Variants in BABAM2 observed in about 807,000 individuals in gnomAD.
The protein encoded by BABAM2 is BRISC and BRCA1-A complex member 2.
BABAM2 carries 31 observed loss-of-function variants against 54.7 expected under a neutral mutation model. That is an observed-to-expected ratio of 0.57 (90% CI 0.43 to 0.77). The LOEUF (loss-of-function observed/expected upper bound fraction) is 0.77. BABAM2 is among the 30% of genes least tolerant of loss of function. The pLI, the probability that BABAM2 is intolerant of heterozygous loss-of-function variation, is 0.00. For missense variants in BABAM2, 364 were observed against 455.8 expected, an observed-to-expected ratio of 0.80 and a Z score of 1.83; for synonymous variants, 167 against 162.9, an observed-to-expected ratio of 1.03 and a Z score of -0.19.
At chr2:28,279,631 G>A (rs1233321810) in intron 10 of BABAM2, among the ~76,000 whole-genome samples, 1 of 150,776 alleles carries the variant, frequency 6.6e-6, no homozygotes, top group Admixed American at 6.6e-5. Flanking sequence ...CTTACCATAA[G>A]GGTTAGTGCA....
chr2:28,042,154 G>A (rs1381723779), intron 5 of BABAM2, among the ~76,000 whole-genome samples: 1 of 152,142 alleles, frequency 6.6e-6, no homozygotes, highest in East Asian at 1.9e-4. Context: ...TGAAAGAATG[G>A]AATTGCCATT....
intron 7 of BABAM2, among the ~76,000 whole-genome samples, chr2:28,178,762 G>C (rs1466283459): frequency 6.6e-6 from 1 of 150,672 alleles, no homozygotes; most frequent in Non-Finnish European, 1.5e-5. Flanking sequence ...CAAGAAAAAA[G>C]AGAGAAGACC....
intron 7 of BABAM2, among the ~76,000 whole-genome samples, chr2:28,182,121 T>C (rs1394338469): frequency 6.6e-6 from 1 of 152,122 alleles, no homozygotes; most frequent in Non-Finnish European, 1.5e-5. Flanking sequence ...GTGCTGATCA[T>C]GTAGGGCCTT....
At chr2:27,984,633 A>C (rs1200264078) in intron 3 of BABAM2, among the ~76,000 whole-genome samples, 1 of 151,970 alleles carries the variant, frequency 6.6e-6, no homozygotes, top group East Asian at 1.9e-4. Context: ...TCTTTTTTTA[A>C]ATAAAAATAT....
intron 5 of BABAM2, among the ~76,000 whole-genome samples, chr2:28,044,527 G>A (rs749340626): frequency 5.9e-5 from 9 of 152,322 alleles, no homozygotes; most frequent in Admixed American, 1.3e-4. Flanking sequence ...CACCATGCCC[G>A]GGCAAGGGCC....
chr2:28,195,422 C>CT (rs1353846162), intron 7 of BABAM2, among the ~76,000 whole-genome samples: 1 of 152,078 alleles, frequency 6.6e-6, no homozygotes, highest in Non-Finnish European at 1.5e-5. Flanking sequence ...AGTTTATTGT[C>CT]TTTTTGTTTT....
intron 10 of BABAM2, among the ~76,000 whole-genome samples, chr2:28,287,339 A>G (rs1686910723): frequency 6.6e-6 from 1 of 152,168 alleles, no homozygotes; most frequent in African/African-American, 2.4e-5. Context: ...TTGTGACTCA[A>G]TTCTTTTAAA....
At chr2:27,913,638 T>C (rs1666764520) in intron 2 of BABAM2, among the ~76,000 whole-genome samples, 1 of 152,068 alleles carries the variant, frequency 6.6e-6, no homozygotes, top group South Asian at 2.1e-4. Context: ...AAGGAGAGAA[T>C]TTACACGTAT....
intron 10 of BABAM2, among the ~76,000 whole-genome samples, chr2:28,259,321 C>T (rs527639861): frequency 7.9e-5 from 12 of 151,982 alleles, no homozygotes; most frequent in African/African-American, 2.7e-4. Context: ...CTCCTGACCT[C>T]ATAATCCACC....
chr2:27,957,276 T>C (rs1670157427), intron 3 of BABAM2, among the ~76,000 whole-genome samples: 1 of 152,218 alleles, frequency 6.6e-6, no homozygotes, highest in African/African-American at 2.4e-5. Context: ...CTTTAATTCA[T>C]TCATCTATGC....
chr2:27,989,368 T>C (rs1672618804), intron 4 of BABAM2, among the ~76,000 whole-genome samples: 2 of 152,164 alleles, frequency 1.3e-5, no homozygotes, highest in African/African-American at 4.8e-5. Flanking sequence ...CTTGTACTCA[T>C]TCTTGAAGAA....
chr2:28,191,819 A>G (rs1676942888), intron 7 of BABAM2, among the ~76,000 whole-genome samples: 1 of 152,216 alleles, frequency 6.6e-6, no homozygotes, highest in South Asian at 2.1e-4. Context: ...GACGCTATAT[A>G]CGTCCATTTT....
intron 11 of BABAM2, among the ~76,000 whole-genome samples, chr2:28,305,858 T>C (rs1235143872): frequency 6.6e-6 from 1 of 152,148 alleles, no homozygotes. Flanking sequence ...AATCCTTTTT[T>C]CTTTTTTAAT....
rs78142706 is a variant in BABAM2, at chr2:28,233,708, G to A, written c.681-3494G>A. On this transcript the variant is annotated intron_variant, in intron 7 of 11. Transcript: ENST00000379624. ...AAACTCTCAGTTAAAACTATCTTTC[G>A]TAGTGCCTAAAGTGCTTTGCACCTG... is the stretch of plus-strand genomic sequence containing the variant. Among the ~76,000 whole-genome samples the A allele has an allele frequency of 4.3e-3, 660 of 152,284 alleles. 6 individuals carry two copies. The highest frequency in any genetic ancestry group is 0.014 in the African/African-American group (572 of 41,564).
chr2:28,112,147 T>TTCTTTCTTTCCTTCCTTCCCTCCC lies in BABAM2; in HGVS notation c.571-17123_571-17122insCTTTCTTTCCTTCCTTCCCTCCCT, dbSNP rs1558346715. 1.7e-3 allele frequency among the ~76,000 whole-genome samples: 9 copies of TTCTTTCTTTCCTTCCTTCCCTCCC among 5,240 alleles called. 1 individual carries two copies. The highest frequency in any genetic ancestry group is 2.4e-3 in the Admixed American group (1 of 412). 3.4% of individuals were successfully genotyped at this position (5,240 alleles called of 152,430 possible). On this transcript the variant is annotated intron_variant, in intron 6 of 11. Transcript: ENST00000379624. ...TTTCTTTCTTTCTTTCTTTCTTTCTTTACCTCCCTCCCTCCCTCCCTCCCT... is the reference window on the plus strand; with the variant it reads ...TTTCTTTCTTTCTTTCTTTCTTTCTTTCTTTCTTTCCTTCCTTCCCTCCCTACCTCCCTCCCTCCCTCCCTCCCT...
intron 4 of BABAM2, among the ~76,000 whole-genome samples, chr2:28,021,673 GT>G (rs1675280197): frequency 6.6e-6 from 1 of 152,004 alleles, no homozygotes; most frequent in Non-Finnish European, 1.5e-5. Flanking sequence ...GTAGTAAGAA[GT>G]TTTTGATAAT....
intron 5 of BABAM2, among the ~76,000 whole-genome samples, chr2:28,028,021 C>G (rs1045310942): frequency 6.6e-6 from 1 of 152,138 alleles, no homozygotes; most frequent in Non-Finnish European, 1.5e-5. Flanking sequence ...CTGGGTAGGT[C>G]CTTTGTCTCA....
At position 28,304,495 on chromosome 2, in the gene BABAM2, T is replaced by C. The variant is rs560921183; in HGVS notation, c.1088+6004T>C. On this transcript the variant is annotated intron_variant, in intron 11 of 11. Coordinates refer to ENST00000379624, the MANE Select transcript of BABAM2 (RefSeq NM_199191.3). The surrounding 1 kb of genome is among the most constrained non-coding windows in gnomAD (Gnocchi z 4.0). ...AGGAATACAAATGATTTTTCTATAC[T>C]GACATGGCATCCTGTGACATTGCTA... 3.9e-4 allele frequency among the ~76,000 whole-genome samples: 60 copies of C among 151,952 alleles called. No homozygotes were observed. The highest frequency in any genetic ancestry group is 1.4e-3 in the African/African-American group (59 of 41,536).
intron 7 of BABAM2, among the ~76,000 whole-genome samples, chr2:28,143,306 A>G (rs1573672721): frequency 6.6e-6 from 1 of 152,232 alleles, no homozygotes; most frequent in East Asian, 1.9e-4. Context: ...TGTCAAATAC[A>G]CAGAAACAGA....
Sources: allele counts gnomAD v4.1 joint callset (sites outside exome capture counted in the v4.1 genomes callset), GRCh38; gene constraint gnomAD v4.1.1; non-coding constraint Gnocchi (gnomAD v3.1); transcripts MANE v1.5; gene names NCBI Gene and HGNC (gene_info 2026-07-23, HGNC 2026-07-21).